EGFLAM: variants seen among roughly 807,000 people sequenced by gnomAD.
EGFLAM encodes EGF like, fibronectin type III and laminin G domains.
EGFLAM carries 79 observed loss-of-function variants against 113.1 expected under a neutral mutation model. The observed-to-expected ratio is 0.70, with a 90% CI of 0.58 to 0.84. The LOEUF is 0.84. EGFLAM is among the 40% of genes least tolerant of loss of function. The probability of loss-of-function intolerance (pLI) is 0.00; values close to 1 mark genes in which losing one functional copy is unlikely to be tolerated. For missense variants in EGFLAM, 1,265 were observed against 1,291.6 expected, an observed-to-expected ratio of 0.98 and a Z score of 0.32; for synonymous variants, 504 against 487.6, an observed-to-expected ratio of 1.03 and a Z score of -0.44.
chr5:38,409,864 T>C (rs1259241584), intron 10 of EGFLAM, among the ~76,000 whole-genome samples: 4 of 152,148 alleles, frequency 2.6e-5, no homozygotes, highest in African/African-American at 9.7e-5. Context: ...GTGGTCTTCC[T>C]GGGGGGCAGA....
intron 1 of EGFLAM, among the ~76,000 whole-genome samples, chr5:38,281,713 C>T (rs1758026226): frequency 6.6e-6 from 1 of 151,984 alleles, no homozygotes. Flanking sequence ...TGAAATGGGG[C>T]CAGAAAATTA....
chr5:38,272,891 A>C (rs755232307), intron 1 of EGFLAM, among the ~76,000 whole-genome samples: 5 of 152,182 alleles, frequency 3.3e-5, no homozygotes, highest in Non-Finnish European at 7.3e-5. Flanking sequence ...CCAATGTCTG[A>C]AATTTACTTT....
At chr5:38,280,577 C>T (rs1035310729) in intron 1 of EGFLAM, among the ~76,000 whole-genome samples, 2 of 152,188 alleles carry the variant, frequency 1.3e-5, no homozygotes, top group Admixed American at 1.3e-4. Flanking sequence ...CAGCCCCTGG[C>T]CCACCATGGC....
intron 12 of EGFLAM, 69 bp from the exon 13 acceptor site, chr5:38,424,898 G>A (rs1481510704): frequency 1.9e-6 from 3 of 1,566,700 alleles, no homozygotes; most frequent in Non-Finnish European, 2.6e-6. Context: ...GCTGCTGGTG[G>A]GGTCAGCGCC....
intron 1 of EGFLAM, among the ~76,000 whole-genome samples, chr5:38,276,439 G>C (rs1245577287): frequency 1.3e-5 from 2 of 151,974 alleles, no homozygotes; most frequent in African/African-American, 4.8e-5. Flanking sequence ...TTCTAATAGG[G>C]AATATTTTAG....
intron 1 of EGFLAM, among the ~76,000 whole-genome samples, chr5:38,298,673 T>C (rs1461093086): frequency 6.6e-6 from 1 of 152,196 alleles, no homozygotes; most frequent in East Asian, 1.9e-4. Flanking sequence ...GTTTATTATA[T>C]ATTAAGCATG....
chr5:38,299,049 T>A (rs1758512797), intron 1 of EGFLAM, among the ~76,000 whole-genome samples: 1 of 152,184 alleles, frequency 6.6e-6, no homozygotes, highest in African/African-American at 2.4e-5. Context: ...ATGTAACAGT[T>A]GAGAAAGCTG....
chr5:38,391,118 G>A (rs1740794833), intron 6 of EGFLAM, among the ~76,000 whole-genome samples: 1 of 151,908 alleles, frequency 6.6e-6, no homozygotes, highest in Non-Finnish European at 1.5e-5. Context: ...TAAAAATTTT[G>A]CTTTTCATAT....
intron 6 of EGFLAM, among the ~76,000 whole-genome samples, chr5:38,389,461 G>A (rs1740754212): frequency 6.6e-6 from 1 of 151,970 alleles, no homozygotes; most frequent in Admixed American, 6.6e-5. Context: ...ATCACCTCTT[G>A]GATTTTGTAT....
intron 6 of EGFLAM, among the ~76,000 whole-genome samples, chr5:38,375,046 T>A (rs1010422597): frequency 6.7e-6 from 1 of 149,096 alleles, no homozygotes; most frequent in Non-Finnish European, 1.5e-5. Context: ...AGATTGTCTG[T>A]TTACTCTGTT....
chr5:38,269,986 A>G (rs1757728680), intron 1 of EGFLAM, among the ~76,000 whole-genome samples: 1 of 152,182 alleles, frequency 6.6e-6, no homozygotes, highest in South Asian at 2.1e-4. Flanking sequence ...TAAGAGCATG[A>G]TCATTGCTAT....
At chr5:38,301,496 G>T (rs1758578019) in intron 1 of EGFLAM, among the ~76,000 whole-genome samples, 1 of 152,086 alleles carries the variant, frequency 6.6e-6, no homozygotes, top group South Asian at 2.1e-4. Context: ...GGAGACAGTG[G>T]GTATAGATGA....
intron 1 of EGFLAM, among the ~76,000 whole-genome samples, chr5:38,296,149 G>A (rs189260752): frequency 6.6e-6 from 1 of 152,262 alleles, no homozygotes; most frequent in Non-Finnish European, 1.5e-5. Context: ...AAGGAAAATA[G>A]GGTCCATAGG....
At chr5:38,337,280 C>T (rs1213706151) in intron 1 of EGFLAM, among the ~76,000 whole-genome samples, 2 of 152,144 alleles carry the variant, frequency 1.3e-5, no homozygotes, top group Non-Finnish European at 2.9e-5. Flanking sequence ...TTAGAAGTTA[C>T]CCGAGAGAAT....
Position 38,338,794 on chromosome 5 carries a change from A to C in EGFLAM, c.291+13A>C, listed in dbSNP as rs1360568655. On this transcript the variant is annotated intron_variant, in intron 3 of 21. Transcript: ENST00000322350. ...CATCCCGACCACGGTGAGTCTTTCC[A>C]TCCTGGCAGCCCACTCAAAAGCATG... is the stretch of plus-strand genomic sequence containing the variant. 1 of 1,613,346 alleles carries C rather than the reference A, an allele frequency of 6.2e-7. No individual in the cohort carries two copies. Among genetic ancestry groups the C allele is most frequent in the Non-Finnish European group, 8.5e-7 (1 of 1,179,398 alleles).
chr5:38,409,974 C>T (rs568574023), intron 10 of EGFLAM, among the ~76,000 whole-genome samples: 5 of 152,250 alleles, frequency 3.3e-5, no homozygotes, highest in Non-Finnish European at 7.4e-5. Flanking sequence ...TTCTCCGTGG[C>T]GCACTGGCTG....
chr5:38,439,747 T>C (rs556275789), intron 17 of EGFLAM, among the ~76,000 whole-genome samples: 2 of 152,348 alleles, frequency 1.3e-5, no homozygotes, highest in South Asian at 2.1e-4. Context: ...AATTGCTGTT[T>C]AGCTAATAGG....
intron 1 of EGFLAM, among the ~76,000 whole-genome samples, chr5:38,287,305 A>G (rs914907392): frequency 8.5e-5 from 13 of 152,174 alleles, no homozygotes; most frequent in Admixed American, 6.5e-4. Flanking sequence ...TAATGCTACT[A>G]TGAGTTAAGG....
chr5:38,365,333 G>A (rs991882703), intron 5 of EGFLAM, among the ~76,000 whole-genome samples: 2 of 152,170 alleles, frequency 1.3e-5, no homozygotes, highest in African/African-American at 4.8e-5. Context: ...TGTTTACTGG[G>A]TCACAATGTC....
Sources: gnomAD v4.1 joint callset for allele counts (sites outside exome capture counted in the v4.1 genomes callset) on GRCh38, gnomAD v4.1.1 for gene constraint, MANE v1.5 for transcripts, NCBI Gene and HGNC (gene_info 2026-07-23, HGNC 2026-07-21) for gene names.